The following IL1R1 variants were observed in gnomAD, a reference collection of about 807,000 sequenced individuals.
IL1R1 encodes the protein interleukin-1 receptor type 1.
Under a neutral mutation model 50.2 loss-of-function variants are expected in IL1R1, and 22 were observed. That is an observed-to-expected ratio of 0.44 (90% CI 0.31 to 0.63). The LOEUF (loss-of-function observed/expected upper bound fraction) is 0.63, where lower values mean the gene tolerates loss of function less well. Among genes scored for constraint, IL1R1 ranks in the 20% least tolerant of loss-of-function variants. The pLI is 0.07. For synonymous variants in IL1R1, 251 were observed against 236.7 expected (o/e 1.06, Z -0.55); for missense variants, 509 against 676.2 (o/e 0.75, Z 2.74).
chr2:102,131,643 A>C (rs1682036331), intron 1 of IL1R1, among the ~76,000 whole-genome samples: 1 of 72,048 alleles, frequency 1.4e-5, no homozygotes, highest in Non-Finnish European at 3.1e-5. Context: ...AACAATAGAA[A>C]CTATAAAAAA....
intron 1 of IL1R1, among the ~76,000 whole-genome samples, chr2:102,129,290 A>ACAG (rs1209218368): frequency 6.6e-6 from 1 of 151,856 alleles, no homozygotes; most frequent in African/African-American, 2.4e-5. Flanking sequence ...AACAACAACA[A>ACAG]CAACAAAACC....
intron 1 of IL1R1, among the ~76,000 whole-genome samples, chr2:102,083,175 G>A (rs113112517): frequency 6.6e-6 from 1 of 152,216 alleles, no homozygotes; most frequent in Middle Eastern, 3.4e-3. Flanking sequence ...ACTCTAAGAA[G>A]GTCTAGGGCC....
At chr2:102,074,774 C>T (rs1051427274) in intron 1 of IL1R1, among the ~76,000 whole-genome samples, 1 of 152,132 alleles carries the variant, frequency 6.6e-6, no homozygotes, top group Non-Finnish European at 1.5e-5. Context: ...TAAAACAATA[C>T]AGGAAGGGAT....
intron 8 of IL1R1, chr2:102,172,416 A>G: frequency 1.0e-6 from 1 of 985,282 alleles, no homozygotes; most frequent in Non-Finnish European, 1.2e-6. Flanking sequence ...TGCCCCATGG[A>G]GAACACAATG....
chr2:102,072,898 A>G (rs183719456), intron 1 of IL1R1, among the ~76,000 whole-genome samples: 1 of 152,246 alleles, frequency 6.6e-6, no homozygotes, highest in Admixed American at 6.5e-5. Flanking sequence ...AGATGTGTTC[A>G]CAGCCCACTG....
intron 1 of IL1R1, among the ~76,000 whole-genome samples, chr2:102,092,494 A>T (rs948481216): frequency 2.0e-5 from 3 of 152,158 alleles, no homozygotes; most frequent in Non-Finnish European, 4.4e-5. Context: ...TTATTTTGAT[A>T]TTCATTTCCT....
At chr2:102,160,431 T>C (rs1019128439) in intron 3 of IL1R1, among the ~76,000 whole-genome samples, 1 of 152,184 alleles carries the variant, frequency 6.6e-6, no homozygotes, top group Non-Finnish European at 1.5e-5. Flanking sequence ...GTTATATTAA[T>C]TATGTTTTTT....
At chr2:102,164,384 GT>G (rs1156725742) in intron 3 of IL1R1, among the ~76,000 whole-genome samples, 1 of 151,948 alleles carries the variant, frequency 6.6e-6, no homozygotes, top group Non-Finnish European at 1.5e-5. Context: ...GTTTTCTGAT[GT>G]TCAATGTCTT....
chr2:102,089,229 A>G lies in IL1R1; in HGVS notation c.-84+18696A>G, dbSNP rs77159799. On this transcript the variant is annotated intron_variant, in intron 1 of 11. Transcript: ENST00000409929. The stretch of plus-strand genomic sequence containing the variant: ...TTTCTTGTTTTTATTAAAGTGAGAG[A>G]ATTGTGACTCTTCTTTGAATGCTTA... Among the ~76,000 whole-genome samples the G allele has an allele frequency of 5.1e-3, 773 of 152,266 alleles. 12 individuals carry two copies. The highest frequency in any genetic ancestry group is 0.018 in the African/African-American group (736 of 41,542).
chr2:102,154,726 T>C (rs1261776502), intron 2 of IL1R1, among the ~76,000 whole-genome samples: 1 of 152,180 alleles, frequency 6.6e-6, no homozygotes, highest in Non-Finnish European at 1.5e-5. Flanking sequence ...CTGCAAAAAA[T>C]GGAGATTTAA....
chr2:102,177,188 C>CCGGGGAGACGGAGGTTG lies in IL1R1; in HGVS notation c.*431_*447dup, dbSNP rs779642962. On this transcript the variant is annotated 3_prime_UTR_variant, in exon 12 of 12. Coordinates refer to ENST00000410023, the MANE Select transcript of IL1R1 (RefSeq NM_000877.4). ...GGCTGAGGCAGGAGAATTGCTTGAA[C>CCGGGGAGACGGAGGTTG]CGGGGAGACGGAGGTTGCAGTGAGC... 4 of 192,084 alleles carry CCGGGGAGACGGAGGTTG rather than the reference C, an allele frequency of 2.1e-5. 1 individual carries two copies. The South Asian group carries it at 3.3e-4, about 16-fold the overall frequency. The allele number at this position is 192,084 out of a possible 1,614,324, so 11.9% of individuals were successfully genotyped here. A position where few individuals can be genotyped will look rare whatever the true frequency, so the allele number is the denominator to read the frequency against.
upstream of IL1R1, among the ~76,000 whole-genome samples, chr2:102,103,811 T>C (rs1472054963): frequency 6.6e-6 from 1 of 151,934 alleles, no homozygotes; most frequent in Non-Finnish European, 1.5e-5. Flanking sequence ...CTGACCATCA[T>C]GGTGAAACCC....
At chr2:102,165,491 T>C (rs573167691) in intron 5 of IL1R1, among the ~76,000 whole-genome samples, 187 bp downstream of exon 5, 24 of 152,314 alleles carry the variant, frequency 1.6e-4, no homozygotes, top group Non-Finnish European at 3.1e-4. Context: ...AACTAGAAAT[T>C]TGTTTGCTGT....
Position 102,179,548 on chromosome 2 carries a change from A to C in IL1R1, c.*2789A>C, listed in dbSNP as rs1328587258. The C allele has an allele frequency of 6.5e-6, 1 of 152,762 alleles. No homozygotes were observed. Among genetic ancestry groups the C allele is most frequent in the Non-Finnish European group, 1.5e-5 (1 of 68,032 alleles). The allele number at this position is 152,762 out of a possible 1,614,324, so 9.5% of individuals were successfully genotyped here. On this transcript the variant is annotated 3_prime_UTR_variant, in exon 12 of 12. Transcript: ENST00000410023. ...GCAGTTTTTTTATGGCATTTTTTTAAAGATGCCCTAAGTGTTGAAGAAGAG... is the reference window on the plus strand; with the variant it reads ...GCAGTTTTTTTATGGCATTTTTTTACAGATGCCCTAAGTGTTGAAGAAGAG...
intron 1 of IL1R1, among the ~76,000 whole-genome samples, chr2:102,124,541 G>T (rs143974389): frequency 1.2e-3 from 186 of 152,214 alleles, no homozygotes; most frequent in Non-Finnish European, 2.2e-3. Context: ...TATAATCATT[G>T]TGGAAGGGGA....
At chr2:102,131,546 A>G (rs1031257385) in intron 1 of IL1R1, among the ~76,000 whole-genome samples, 1 of 152,170 alleles carries the variant, frequency 6.6e-6, no homozygotes, top group Non-Finnish European at 1.5e-5. Flanking sequence ...GATAACAACT[A>G]CAATTTCTGA....
rs896106199 is a variant in IL1R1 at position 102,176,989 on chromosome 2, G to A, written c.*230G>A. 2.0e-5 allele frequency: 10 copies of A among 497,984 alleles called. No homozygotes were observed. Among genetic ancestry groups the A allele is most frequent in the African/African-American group, 7.7e-5 (4 of 52,090 alleles). 30.8% of individuals were successfully genotyped at this position (497,984 alleles called of 1,614,324 possible). Reference sequence around the variant, plus strand: ...GATCTTTTAAAAAGGCAGTAGGCCCGGTGTGGTGGCTCACGCCTATAATCC... The same window carrying A: ...GATCTTTTAAAAAGGCAGTAGGCCCAGTGTGGTGGCTCACGCCTATAATCC... On this transcript the variant is annotated 3_prime_UTR_variant, in exon 12 of 12. Coordinates refer to ENST00000410023, the MANE Select transcript of IL1R1 (RefSeq NM_000877.4).
chr2:102,175,584 C>A lies in IL1R1; in HGVS notation c.1242C>A (p.Val414=). The change falls in exon 11 of 12, where the codon GTC becomes GTA. Residue 414 remains valine (V), a synonymous_variant. Transcript: ENST00000410023. ...DIFVFKVLPE[V]LEKQCGYKLF... is the part of the protein sequence containing the mutation. ...TTGTGTTTAAAGTCTTGCCTGAGGT[C>A]TTGGAAAAACAGTGTGGATATAAGC... is the stretch of plus-strand genomic sequence containing the variant. 6.2e-7 allele frequency: 1 copy of A among 1,613,906 alleles called. No individual in the cohort carries two copies. The highest frequency in any genetic ancestry group is 8.5e-7 in the Non-Finnish European group (1 of 1,179,904).
intron 1 of IL1R1, among the ~76,000 whole-genome samples, chr2:102,151,295 C>T (rs1401233886): frequency 1.3e-5 from 2 of 152,172 alleles, no homozygotes; most frequent in Non-Finnish European, 2.9e-5. Flanking sequence ...TCTCCAGACC[C>T]CAGTGACGGT....
Sources: allele counts gnomAD v4.1 joint callset (sites outside exome capture counted in the v4.1 genomes callset), GRCh38; gene constraint gnomAD v4.1.1; transcripts MANE v1.5; gene names NCBI Gene and HGNC (gene_info 2026-07-23, HGNC 2026-07-21).